DGAT2L6: variants seen among roughly 807,000 people sequenced by gnomAD.
DGAT2L6 encodes diacylglycerol O-acyltransferase 2-like protein 6.
Under a neutral mutation model 25.5 loss-of-function variants are expected in DGAT2L6, and 22 were observed. The observed-to-expected ratio is 0.86, with a 90% confidence interval of 0.62 to 1.23. The LOEUF is 1.23. Among genes scored for constraint, DGAT2L6 ranks in the 50% most tolerant of loss-of-function variants. DGAT2L6 has a pLI of 0.00. For missense variants in DGAT2L6, 287 were observed against 253.2 expected (o/e 1.13, Z -0.91); for synonymous variants, 100 against 94.7 (o/e 1.06, Z -0.32).
chrX:70,186,282 C>T (rs1341858230), intron 1 of DGAT2L6, among the ~76,000 whole-genome samples: 2 of 112,161 alleles, frequency 1.8e-5, no homozygotes, highest in Non-Finnish European at 3.8e-5. Flanking sequence ...GTACTAATTA[C>T]ACCATCAAAC....
intron 1 of DGAT2L6, among the ~76,000 whole-genome samples, chrX:70,182,469 CTTTTTTTTTTTTT>C (rs1171530335): frequency 6.1e-5 from 3 of 49,143 alleles, no homozygotes; most frequent in African/African-American, 1.0e-4. Context: ...TCAAAAGCAT[CTTTTTTTTTTTTT>C]TTTTTTTTTT....
intron 1 of DGAT2L6, among the ~76,000 whole-genome samples, chrX:70,191,389 GT>G (rs2085375073): frequency 9.0e-6 from 1 of 111,496 alleles, no homozygotes; most frequent in South Asian, 3.8e-4. Context: ...AAAAGAAAGA[GT>G]TTCAATAGCA....
At chrX:70,202,190 T>TA in intron 5 of DGAT2L6, 126 bp downstream of exon 5, 1 of 606,349 alleles carries the variant, frequency 1.6e-6, no homozygotes, top group Non-Finnish European at 2.3e-6. Context: ...TCCTTCTGTC[T>TA]ACCCCCTCAC....
At chrX:70,178,142 A>G (rs1219108920) in intron 1 of DGAT2L6, among the ~76,000 whole-genome samples, 2 of 88,446 alleles carry the variant, frequency 2.3e-5, no homozygotes, top group East Asian at 3.1e-4. Flanking sequence ...TCTCAAGATG[A>G]AAAAAAAAAA....
chrX:70,199,785 C>G, intron 2 of DGAT2L6, 27 bp from the exon 3 acceptor site: 2 of 1,196,891 alleles, frequency 1.7e-6, no homozygotes, highest in Non-Finnish European at 2.3e-6. Flanking sequence ...GCCCTGTGTA[C>G]TCTTCCCTTC....
intron 1 of DGAT2L6, among the ~76,000 whole-genome samples, chrX:70,183,291 G>A (rs1232635097): frequency 1.8e-5 from 2 of 111,932 alleles, no homozygotes; most frequent in Non-Finnish European, 3.8e-5. Context: ...AAACAAACAG[G>A]AAATGTACTC....
intron 1 of DGAT2L6, among the ~76,000 whole-genome samples, chrX:70,192,156 G>A (rs1369779329): frequency 8.9e-6 from 1 of 111,816 alleles, no homozygotes; most frequent in Admixed American, 9.4e-5. Flanking sequence ...GGGAAGCTAA[G>A]GCAAGAAGAT....
chrX:70,179,654 G>A (rs980242610), intron 1 of DGAT2L6, among the ~76,000 whole-genome samples: 16 of 95,367 alleles, frequency 1.7e-4, no homozygotes, highest in Non-Finnish European at 3.0e-4. Context: ...TGCTACCTCC[G>A]CCTCCCGAGT....
intron 1 of DGAT2L6, among the ~76,000 whole-genome samples, chrX:70,181,929 A>G (rs2085344482): frequency 2.7e-5 from 3 of 111,789 alleles, no homozygotes; most frequent in Non-Finnish European, 5.6e-5. Context: ...AAGTCTCAGT[A>G]TCCCCATCCT....
At chrX:70,199,993 C>T (rs752077822) in intron 3 of DGAT2L6, 111 bp downstream of exon 3, 24 of 809,374 alleles carry the variant, frequency 3.0e-5, no homozygotes, top group Non-Finnish European at 3.7e-5. Context: ...GTCAAGGCCC[C>T]GAGTCATAAT....
At chrX:70,193,215 G>A in intron 1 of DGAT2L6, among the ~76,000 whole-genome samples, 1 of 109,225 alleles carries the variant, frequency 9.2e-6, no homozygotes, top group South Asian at 4.1e-4. Flanking sequence ...CTACTCGGGA[G>A]GCTGAGGCAC....
Position 70,205,247 on chromosome X carries a change from T to G in DGAT2L6, c.*141T>G. 1 of 757,593 alleles carries G rather than the reference T, an allele frequency of 1.3e-6. No homozygotes were observed. The highest frequency in any genetic ancestry group is 1.8e-6 in the Non-Finnish European group (1 of 569,224). The allele number at this position is 757,593 out of a possible 1,213,427, so 62.4% of individuals were successfully genotyped here. On this transcript the variant is annotated 3_prime_UTR_variant, in exon 7 of 7. Transcript: ENST00000333026. ...TCCAAGCCAGAAATTATTTAATAAA[T>G]CAGAGTTCTAGCAATAGAGTCCTCT...
At chrX:70,183,201 C>T (rs1049893979) in intron 1 of DGAT2L6, among the ~76,000 whole-genome samples, 4 of 112,708 alleles carry the variant, frequency 3.5e-5, no homozygotes, top group Non-Finnish European at 7.5e-5. Context: ...CTCCTCCATT[C>T]TCTGGTGTTA....
At chrX:70,179,839 T>C (rs2147600730) in intron 1 of DGAT2L6, among the ~76,000 whole-genome samples, 1 of 110,612 alleles carries the variant, frequency 9.0e-6, no homozygotes, top group South Asian at 4.0e-4. Flanking sequence ...AAGTGCTGGC[T>C]GGGATTACCG....
At chrX:70,200,519 A>G in intron 4 of DGAT2L6, 60 bp downstream of exon 4, 1 of 1,031,888 alleles carries the variant, frequency 9.7e-7, no homozygotes, top group Non-Finnish European at 1.3e-6. Context: ...CAACCCCAAT[A>G]AGTCCTGACA....
chrX:70,191,810 C>T (rs934415661), intron 1 of DGAT2L6, among the ~76,000 whole-genome samples: 7 of 112,115 alleles, frequency 6.2e-5, no homozygotes, highest in African/African-American at 1.9e-4. Context: ...TACAAGGGAA[C>T]CTCATCAGCA....
At chrX:70,201,099 A>G (rs183600116) in intron 4 of DGAT2L6, among the ~76,000 whole-genome samples, 5 of 112,067 alleles carry the variant, frequency 4.5e-5, no homozygotes, top group African/African-American at 1.6e-4. Flanking sequence ...CCTTCTGGAC[A>G]CCAGAAAACA....
rs759423344 is a variant in DGAT2L6 at position 70,192,621 on chromosome X, A to G, written c.86-6650A>G. 2.7e-5 allele frequency among the ~76,000 whole-genome samples: 3 copies of G among 112,185 alleles called. No homozygotes were observed. In the East Asian group the frequency reaches 8.4e-4, roughly 31 times the overall value. On this transcript the variant is annotated intron_variant, in intron 1 of 6. Coordinates refer to ENST00000333026, the MANE Select transcript of DGAT2L6 (RefSeq NM_198512.3). Reference sequence around the variant, plus strand: ...GCAAATGAAAATGGAAACACATCATACCAAAACTTATAGAATGCAGCAAAA... The same window carrying G: ...GCAAATGAAAATGGAAACACATCATGCCAAAACTTATAGAATGCAGCAAAA...
intron 2 of DGAT2L6, 21 bp from the exon 3 acceptor site, chrX:70,199,791 C>T (rs1198573243): frequency 8.3e-7 from 1 of 1,204,566 alleles, no homozygotes; most frequent in African/African-American, 1.7e-5. Flanking sequence ...TGTACTCTTC[C>T]CTTCCCTTCT....
Sources: gnomAD v4.1 joint callset for allele counts (sites outside exome capture counted in the v4.1 genomes callset) on GRCh38, gnomAD v4.1.1 for gene constraint, MANE v1.5 for transcripts, NCBI Gene and HGNC (gene_info 2026-07-23, HGNC 2026-07-21) for gene names.